The following UBE3B variants were observed in gnomAD, a reference collection of about 807,000 sequenced individuals.
UBE3B encodes ubiquitin-protein ligase E3B.
UBE3B carries 80 observed loss-of-function variants against 132.3 expected under a neutral mutation model. The observed-to-expected ratio is 0.60, with a 90% CI of 0.50 to 0.73. The LOEUF is 0.73. UBE3B is among the 30% of genes least tolerant of loss of function. The pLI is 0.00. For missense variants in UBE3B, 1,196 were observed against 1,362.5 expected (o/e 0.88, Z 1.92); for synonymous variants, 487 against 520.4 (o/e 0.94, Z 0.87).
chr12:109,521,844 G>A lies in UBE3B; in HGVS notation c.2364+293G>A, dbSNP rs561465055. Among the ~76,000 whole-genome samples, 1 of 152,314 alleles carries A rather than the reference G, an allele frequency of 6.6e-6. No homozygotes were observed. Among genetic ancestry groups the A allele is most frequent in the South Asian group, 2.1e-4 (1 of 4,816 alleles). On this transcript the variant is annotated intron_variant, in intron 21 of 27. Coordinates refer to ENST00000342494, the MANE Select transcript of UBE3B (RefSeq NM_130466.4). The surrounding 1 kb of genome is among the most constrained non-coding windows in gnomAD (Gnocchi z 4.2). The stretch of plus-strand genomic sequence containing the variant: ...TGTCCAGAGTTTCGTTGCTAGTTAA[G>A]TGGTAGAGGTGGAATTTGAACCCAG...
chr12:109,509,418 C>T, intron 15 of UBE3B, 178 bp from the exon 16 acceptor site: 1 of 499,144 alleles, frequency 2.0e-6, no homozygotes, highest in Non-Finnish European at 3.5e-6. Context: ...GCTCTCCCTC[C>T]CCTTTCCCCC....
chr12:109,500,196 G>A (rs1368618202), intron 12 of UBE3B, among the ~76,000 whole-genome samples: 2 of 152,086 alleles, frequency 1.3e-5, no homozygotes, highest in African/African-American at 2.4e-5. Context: ...ATGATTCAAA[G>A]GGAATAGAAA....
chr12:109,514,737 C>T (rs193195960), intron 18 of UBE3B, among the ~76,000 whole-genome samples: 65 of 152,036 alleles, frequency 4.3e-4, no homozygotes, highest in Admixed American at 4.2e-3. Context: ...CTATCACCAG[C>T]CTCCCTCCCT....
chr12:109,501,362 C>G lies in UBE3B; in HGVS notation c.1119-9C>G, dbSNP rs764141298. 6.2e-7 allele frequency: 1 copy of G among 1,613,702 alleles called. No individual in the cohort carries two copies. The highest frequency in any genetic ancestry group is 8.5e-7 in the Non-Finnish European group (1 of 1,179,970). ...ACTGACAGACCAGGTCTCCTCTGCT[C>G]TCTCCTAGCCTTAACGAGTCAATGC... is the stretch of plus-strand genomic sequence containing the variant. On this transcript the variant is annotated splice_polypyrimidine_tract_variant and intron_variant, in intron 12 of 27. Coordinates refer to ENST00000342494, the MANE Select transcript of UBE3B (RefSeq NM_130466.4).
intron 24 of UBE3B, among the ~76,000 whole-genome samples, chr12:109,527,734 CAG>C (rs72175145): frequency 0.21 from 32,602 of 152,066 alleles, 3,670 homozygotes; most frequent in Non-Finnish European, 0.25. Context: ...CAGCCAGGGC[CAG>C]AGAGAGAGCA....
At chr12:109,524,587 A>G in intron 23 of UBE3B, 84 bp downstream of exon 23, 1 of 1,473,452 alleles carries the variant, frequency 6.8e-7, no homozygotes, top group Non-Finnish European at 9.4e-7. Flanking sequence ...TTCCTCAGAA[A>G]GAGCCCCAAG....
At chr12:109,481,003 G>A (rs1051967171) in intron 1 of UBE3B, among the ~76,000 whole-genome samples, 2 of 151,682 alleles carry the variant, frequency 1.3e-5, no homozygotes, top group Admixed American at 1.3e-4. Flanking sequence ...TGTCAAACAC[G>A]CTGAGGCAGG....
chr12:109,524,393 T>C (rs1438062766), intron 22 of UBE3B, 45 bp from the exon 23 acceptor site: 2 of 1,609,426 alleles, frequency 1.2e-6, no homozygotes, highest in Non-Finnish European at 1.7e-6. Context: ...CTTAAGCACA[T>C]AGTGCTCCAT....
At position 109,516,751 on chromosome 12, in the gene UBE3B, T is replaced by G; in HGVS notation, c.1957-14T>G. ...GCTGACCCTGTTTTCTGATCCCGCCTTTGTTCATTTTAGAGAGTTCTACTG... is the reference window on the plus strand; with the variant it reads ...GCTGACCCTGTTTTCTGATCCCGCCGTTGTTCATTTTAGAGAGTTCTACTG... On this transcript the variant is annotated splice_polypyrimidine_tract_variant and intron_variant, in intron 18 of 27. Transcript: ENST00000342494. 1 of 1,609,934 alleles carries G rather than the reference T, an allele frequency of 6.2e-7. No homozygotes were observed.
chr12:109,541,289 G>A (rs1178566375), downstream of UBE3B, among the ~76,000 whole-genome samples: 9 of 152,184 alleles, frequency 5.9e-5, no homozygotes, highest in East Asian at 1.9e-4. Flanking sequence ...GGCCGGTGAC[G>A]GGCAATGTGG....
chr12:109,481,029 C>T (rs11830623), intron 1 of UBE3B, among the ~76,000 whole-genome samples: 12,889 of 150,344 alleles, frequency 0.086, 1,287 homozygotes, highest in African/African-American at 0.24. Context: ...GGCATGAACC[C>T]GGGAGGCGGA....
intron 24 of UBE3B, among the ~76,000 whole-genome samples, chr12:109,526,911 A>G (rs1882407088): frequency 6.6e-6 from 1 of 151,796 alleles, no homozygotes; most frequent in Non-Finnish European, 1.5e-5. Flanking sequence ...AGAATTGACC[A>G]TTTATTTTTT....
chr12:109,478,330 ATCT>A (rs1874687970), intron 1 of UBE3B, among the ~76,000 whole-genome samples: 1 of 152,092 alleles, frequency 6.6e-6, no homozygotes, highest in African/African-American at 2.4e-5. Context: ...GGAGCCCTGG[ATCT>A]TGTTTGTTTT....
intron 23 of UBE3B, 41 bp downstream of exon 23, chr12:109,524,544 C>T: frequency 6.2e-7 from 1 of 1,604,100 alleles, no homozygotes; most frequent in Non-Finnish European, 8.5e-7. Flanking sequence ...CCACTGCCCC[C>T]ATGGGCTCCT....
chr12:109,531,009 A>G (rs1457756699), intron 26 of UBE3B, among the ~76,000 whole-genome samples: 1 of 151,928 alleles, frequency 6.6e-6, no homozygotes, highest in African/African-American at 2.4e-5. Context: ...TCTGCTTGGA[A>G]CCTTACCTTA....
At chr12:109,544,375 A>G in the UBE3B span, among the ~76,000 whole-genome samples, 1 of 100,406 alleles carries the variant, frequency 1.0e-5, no homozygotes. Context: ...CATCTTGTGA[A>G]GTGGGGCGGG....
At chr12:109,523,673 G>C (rs1465376764) in intron 21 of UBE3B, among the ~76,000 whole-genome samples, 1 of 147,406 alleles carries the variant, frequency 6.8e-6, no homozygotes, top group African/African-American at 2.5e-5. Context: ...CTGAGAGGCT[G>C]GTGCTGCCCC....
At chr12:109,517,603 T>C (rs1423941071) in intron 19 of UBE3B, among the ~76,000 whole-genome samples, 3 of 152,210 alleles carry the variant, frequency 2.0e-5, no homozygotes, top group African/African-American at 7.2e-5. Flanking sequence ...TGGGCTTGTA[T>C]AGTGCACAGC....
Position 109,497,723 on chromosome 12 carries a change from T to C in UBE3B, c.714-95T>C, listed in dbSNP as rs16940271. On this transcript the variant is annotated intron_variant, in intron 9 of 27. Transcript: ENST00000342494. ...GTTTTCTCAGAAATCCCACGCAGAA[T>C]AATTTCTAGGAATTTGAGCACGTTG... The C allele has an allele frequency of 3.8e-3, 4,826 of 1,268,368 alleles. 74 individuals are homozygous for C. The highest frequency in any genetic ancestry group is 0.038 in the African/African-American group (2,574 of 68,316). 78.6% of individuals were successfully genotyped at this position (1,268,368 alleles called of 1,614,324 possible).
Sources: gnomAD v4.1 joint callset for allele counts (sites outside exome capture counted in the v4.1 genomes callset) on GRCh38, gnomAD v4.1.1 for gene constraint, Gnocchi (gnomAD v3.1) non-coding constraint, MANE v1.5 for transcripts, NCBI Gene and HGNC (gene_info 2026-07-23, HGNC 2026-07-21) for gene names.